The following SASH1 variants were observed in gnomAD, a reference collection of about 807,000 sequenced individuals.
SASH1 encodes the protein SAM and SH3 domain-containing protein 1.
SASH1 carries 44 observed loss-of-function variants against 125.2 expected under a neutral mutation model. The observed-to-expected ratio is 0.35, with a 90% CI of 0.28 to 0.45. SASH1 has a LOEUF of 0.45. SASH1 is among the 20% of genes least tolerant of loss of function. The probability of loss-of-function intolerance (pLI) is 1.00; values close to 1 mark genes in which losing one functional copy is unlikely to be tolerated. For missense variants in SASH1, 1,426 were observed against 1,614.5 expected, an observed-to-expected ratio of 0.88 and a Z score of 2.00; for synonymous variants, 639 against 649.1, an observed-to-expected ratio of 0.98 and a Z score of 0.24.
At chr6:148,466,193 A>G (rs889135232) in intron 4 of SASH1, among the ~76,000 whole-genome samples, 3 of 152,236 alleles carry the variant, frequency 2.0e-5, no homozygotes, top group African/African-American at 7.2e-5. Context: ...CAGCACAGGA[A>G]TAAGGGGAAA....
the SASH1 span, among the ~76,000 whole-genome samples, chr6:148,242,990 T>C: frequency 3.9e-5 from 6 of 152,190 alleles, no homozygotes; most frequent in East Asian, 7.7e-4. Flanking sequence ...AAAAACAGGA[T>C]GTTTTGGCTG....
chr6:148,342,322 G>T (rs1781350989), upstream of SASH1, among the ~76,000 whole-genome samples: 1 of 152,202 alleles, frequency 6.6e-6, no homozygotes, highest in Non-Finnish European at 1.5e-5. Context: ...GGTATGCATT[G>T]TAGCGACACG....
At chr6:148,348,091 C>A (rs1290650943) in intron 1 of SASH1, among the ~76,000 whole-genome samples, 2 of 152,206 alleles carry the variant, frequency 1.3e-5, no homozygotes, top group Non-Finnish European at 2.9e-5. Flanking sequence ...ACTGCAACCT[C>A]TGCCTCCCGA....
chr6:148,298,879 G>GGAGGGAGGGAAGGAA (rs1456995526), intron 1 of SASH1, among the ~76,000 whole-genome samples: 1 of 145,562 alleles, frequency 6.9e-6, no homozygotes, highest in African/African-American at 2.5e-5. Flanking sequence ...GAAGTAAGGA[G>GGAGGGAGGGAAGGAA]GGAGGGAGGG....
chr6:148,339,293 C>G (rs1156791928), upstream of SASH1, among the ~76,000 whole-genome samples: 1 of 151,992 alleles, frequency 6.6e-6, no homozygotes, highest in East Asian at 1.9e-4. Flanking sequence ...ATCCTTCTGC[C>G]TCGGCCTCCC....
chr6:148,349,678 G>T (rs1023370556), intron 1 of SASH1, among the ~76,000 whole-genome samples: 1 of 152,052 alleles, frequency 6.6e-6, no homozygotes. Context: ...TTTCTGTGTC[G>T]AGTCATTACC....
chr6:148,462,719 AT>A (rs955222862), intron 4 of SASH1, among the ~76,000 whole-genome samples: 19 of 152,298 alleles, frequency 1.2e-4, no homozygotes, highest in African/African-American at 4.6e-4. Flanking sequence ...CCAGTATGTA[AT>A]GGTATCCCCT....
chr6:148,518,457 A>T (rs1338462537), intron 9 of SASH1, among the ~76,000 whole-genome samples: 1 of 152,130 alleles, frequency 6.6e-6, no homozygotes, highest in African/African-American at 2.4e-5. Flanking sequence ...ATTTTAAAGG[A>T]TGGCTGCCGT....
At chr6:148,526,046 CTTTTTTTTTTTTTTTTTTTT>C (rs34023266) in intron 11 of SASH1, among the ~76,000 whole-genome samples, 1 of 54,132 alleles carries the variant, frequency 1.8e-5, no homozygotes, top group Non-Finnish European at 3.3e-5. Context: ...GAAGGTGAGT[CTTTTTTTTTTTTTTTTTTTT>C]TTTTTTTTTT....
chr6:148,383,895 C>A, intron 1 of SASH1, among the ~76,000 whole-genome samples: 1 of 152,160 alleles, frequency 6.6e-6, no homozygotes, highest in East Asian at 1.9e-4. Context: ...CTGCTCGGTA[C>A]AATGCCCCTT....
At position 148,544,453 on chromosome 6, in the gene SASH1, C is replaced by A; in HGVS notation, c.2983C>A (p.Arg995Ser). 1 of 1,614,182 alleles carries A rather than the reference C, an allele frequency of 6.2e-7. No individual in the cohort carries two copies. The highest frequency in any genetic ancestry group is 2.2e-5 in the East Asian group (1 of 44,872). Reference sequence around the variant, plus strand: ...TGTTCCTGCCAAAAAGAGCAGAGAACGCCTTGCTAACGGACTCCACCCTGT... The same window carrying A: ...TGTTCCTGCCAAAAAGAGCAGAGAAAGCCTTGCTAACGGACTCCACCCTGT... ...PPVPAKKSRE[R>S]LANGLHPVPM... is the part of the protein sequence containing the mutation. Residue 995 changes from arginine (R) to serine (S), a missense_variant, in exon 18 of 20, where the codon CGC becomes AGC. Physicochemically the swap from Arg to Ser is moderately radical, Grantham distance 110 (BLOSUM62 -1). Coordinates refer to ENST00000367467, the MANE Select transcript of SASH1 (RefSeq NM_015278.5). This position sits in a 1 kb window ranked among gnomAD's most constrained non-coding sequence, Gnocchi z 6.4.
intron 1 of SASH1, among the ~76,000 whole-genome samples, chr6:148,331,006 T>C (rs1780980497): frequency 6.6e-6 from 1 of 152,188 alleles, no homozygotes; most frequent in Non-Finnish European, 1.5e-5. Flanking sequence ...GGCTTTCATA[T>C]AATCTTACGG....
chr6:148,289,026 CT>C (rs2128508115), intron 1 of SASH1, among the ~76,000 whole-genome samples: 1 of 151,868 alleles, frequency 6.6e-6, no homozygotes, highest in East Asian at 1.9e-4. Context: ...CGGAGTTTCA[CT>C]CTTGTTGCCC....
intron 1 of SASH1, among the ~76,000 whole-genome samples, chr6:148,326,481 T>A (rs1245677440): frequency 6.8e-6 from 1 of 147,370 alleles, no homozygotes; most frequent in Admixed American, 7.0e-5. Context: ...CTCGGCTCAC[T>A]GCAACCACTG....
the SASH1 span, among the ~76,000 whole-genome samples, chr6:148,245,963 A>G: frequency 2.0e-5 from 3 of 151,834 alleles, no homozygotes; most frequent in African/African-American, 7.3e-5. Context: ...AGCCTGGGCG[A>G]CAGAACCAGA....
In SASH1 at chr6:148,523,551, G is replaced by A. The variant is rs535843571; in HGVS notation, c.1210-1740G>A. ...GATAATGTCTATTAGAAAACAAGTC[G>A]GTAGTAGCAGCAGCAGCAGCAGCAT... On this transcript the variant is annotated intron_variant, in intron 10 of 19. Transcript: ENST00000367467. Among the ~76,000 whole-genome samples the A allele has an allele frequency of 5.3e-5, 8 of 150,356 alleles. 1 individual carries two copies. Among genetic ancestry groups the A allele is most frequent in the Admixed American group, 3.3e-4 (5 of 15,246 alleles).
chr6:148,513,733 G>T (rs1358530085), intron 8 of SASH1: 14 of 985,916 alleles, frequency 1.4e-5, no homozygotes, highest in African/African-American at 1.7e-5. Context: ...CATTCGCCTT[G>T]TGAGCCCTTA....
intron 1 of SASH1, among the ~76,000 whole-genome samples, chr6:148,301,356 C>G (rs1327894536): frequency 6.7e-6 from 1 of 150,352 alleles, no homozygotes; most frequent in Admixed American, 6.6e-5. Context: ...AACTCTGCCT[C>G]CTGGGTTTAA....
At chr6:148,406,986 A>G (rs1436450833) in intron 2 of SASH1, among the ~76,000 whole-genome samples, 1 of 152,234 alleles carries the variant, frequency 6.6e-6, no homozygotes, top group Non-Finnish European at 1.5e-5. Flanking sequence ...AGTCCATGGC[A>G]GGAGTGGTAT....
Sources: allele counts gnomAD v4.1 joint callset (sites outside exome capture counted in the v4.1 genomes callset), GRCh38; gene constraint gnomAD v4.1.1; non-coding constraint Gnocchi (gnomAD v3.1); transcripts MANE v1.5; gene names NCBI Gene and HGNC (gene_info 2026-07-23, HGNC 2026-07-21).